Variants in PDPK1 observed in about 807,000 individuals in gnomAD.
The protein encoded by PDPK1 is 3-phosphoinositide-dependent protein kinase 1.
In PDPK1, 7 loss-of-function variants were observed where a neutral mutation model predicts 39.8. The observed-to-expected ratio is 0.18, with a 90% CI of 0.10 to 0.33. PDPK1 has a LOEUF of 0.33. Ranked by LOEUF, PDPK1 falls within the 10% of genes least tolerant of loss-of-function variation. The probability of loss-of-function intolerance (pLI) is 1.00; values close to 1 mark genes in which losing one functional copy is unlikely to be tolerated. For synonymous variants in PDPK1, 118 were observed against 159.1 expected, an observed-to-expected ratio of 0.74 and a Z score of 1.95; for missense variants, 182 against 384.7, an observed-to-expected ratio of 0.47 and a Z score of 4.41.
At chr16:2,573,877 C>A (rs2066681819) in intron 6 of PDPK1, among the ~76,000 whole-genome samples, 2 of 40,140 alleles carry the variant, frequency 5.0e-5, no homozygotes, top group Non-Finnish European at 8.8e-5. Context: ...TCACTGCAAC[C>A]TCCGCCTCCC....
rs546669586 is a variant in PDPK1 at position 2,573,773 on chromosome 16, CT to C, written c.710-3644del. Among the ~76,000 whole-genome samples, 12 of 134,026 alleles carry C rather than the reference CT, an allele frequency of 9.0e-5. 1 individual carries two copies. The East Asian group carries it at 1.4e-3, about 16-fold the overall frequency. 87.9% of individuals were successfully genotyped at this position (134,026 alleles called of 152,430 possible). On this transcript the variant is annotated intron_variant, in intron 6 of 13. Coordinates refer to ENST00000342085, the MANE Select transcript of PDPK1 (RefSeq NM_002613.5). ...AAAATAGAATTGTGAATTTTCTTCC[CT>C]TTTTTTTCCTTTTTCTGTTTTTATT...
chr16:2,598,276 G>T lies in PDPK1; in HGVS notation c.*509G>T, dbSNP rs547002823. The T allele has an allele frequency of 1.7e-5, 4 of 233,280 alleles. No individual in the cohort carries two copies. The highest frequency in any genetic ancestry group is 6.6e-5 in the African/African-American group (3 of 45,350). 14.5% of individuals were successfully genotyped at this position (233,280 alleles called of 1,614,324 possible). A position where few individuals can be genotyped will look rare whatever the true frequency, so the allele number is the denominator to read the frequency against. ...GGGCCGCAGCTTTGTGGAGGGAGCC[G>T]CCGTGCTTCTGTCACCTGCTCCCTT... On this transcript the variant is annotated 3_prime_UTR_variant, in exon 14 of 14. Transcript: ENST00000342085.
intron 11 of PDPK1, among the ~76,000 whole-genome samples, chr16:2,589,629 C>T (rs2066947164): frequency 6.7e-6 from 1 of 148,594 alleles, no homozygotes; most frequent in African/African-American, 2.5e-5. Flanking sequence ...GTTGAAGCTG[C>T]AGTGAGCAGA....
At chr16:2,577,666 G>A (rs1255794242) in intron 7 of PDPK1, among the ~76,000 whole-genome samples, 166 bp downstream of exon 7, 1 of 149,232 alleles carries the variant, frequency 6.7e-6, no homozygotes, top group Non-Finnish European at 1.5e-5. Context: ...TGATGCGTTA[G>A]TGTTGTGTTC....
intron 11 of PDPK1, among the ~76,000 whole-genome samples, chr16:2,590,568 C>T (rs963624075): frequency 2.6e-5 from 4 of 152,092 alleles, no homozygotes; most frequent in African/African-American, 7.3e-5. Flanking sequence ...CTGCTGTCCT[C>T]GCGGAGCGTC....
chr16:2,539,269 G>A (rs1345998454), intron 1 of PDPK1: 2 of 155,640 alleles, frequency 1.3e-5, no homozygotes, highest in African/African-American at 4.8e-5. Flanking sequence ...TAGTAGAGAA[G>A]GTGTTTCGCC....
intron 11 of PDPK1, among the ~76,000 whole-genome samples, chr16:2,591,572 C>CT (rs1474761844): frequency 6.6e-6 from 1 of 152,218 alleles, no homozygotes; most frequent in African/African-American, 2.4e-5. Context: ...ACTCCAGTCT[C>CT]TAAAAAGGCT....
Position 2,597,315 on chromosome 16 carries a change from G to A in PDPK1, c.1554+40G>A, listed in dbSNP as rs747992986. 1.3e-6 allele frequency: 2 copies of A among 1,531,760 alleles called. No homozygotes were observed. The highest frequency in any genetic ancestry group is 1.8e-5 in the Admixed American group (1 of 54,584). The allele number at this position is 1,531,760 out of a possible 1,614,324, so 94.9% of individuals were successfully genotyped here. On this transcript the variant is annotated intron_variant, in intron 13 of 13. Transcript: ENST00000342085. This position sits in a 1 kb window ranked among gnomAD's most constrained non-coding sequence, Gnocchi z 6.3. ...AGGGATTTCTGTGTGCAGGGTAATG[G>A]GAGGGCTTTGCACCACGTGGGAAGC...
At chr16:2,539,969 A>G (rs138692674) in intron 1 of PDPK1, among the ~76,000 whole-genome samples, 4,513 of 152,268 alleles carry the variant, frequency 0.03, 151 homozygotes, top group African/African-American at 0.1. Flanking sequence ...GTGAGCAAGA[A>G]TGATAGAATG....
Position 2,551,917 on chromosome 16 carries a change from C to T in PDPK1, c.25-5786C>T, listed in dbSNP as rs1359208384. ...CTGATCTCAGATGATGCGCCTGCCTCGGCCTCCCAAAGTGCTGGGATTATA... is the reference window on the plus strand; with the variant it reads ...CTGATCTCAGATGATGCGCCTGCCTTGGCCTCCCAAAGTGCTGGGATTATA... On this transcript the variant is annotated intron_variant, in intron 1 of 13. Transcript: ENST00000342085. Among the ~76,000 whole-genome samples, 14 of 151,468 alleles carry T rather than the reference C, an allele frequency of 9.2e-5. No homozygotes were observed. In the South Asian group the frequency reaches 1.3e-3, roughly 14 times the overall value.
chr16:2,538,100 C>A lies in PDPK1; in HGVS notation c.-13C>A. ...AGCGCTGCGGGGGAGGCGCCCGCGC[C>A]GACGCGGGGCCCATGGCCAGGACCA... On this transcript the variant is annotated 5_prime_UTR_variant, in exon 1 of 14. Transcript: ENST00000342085. 9.4e-7 allele frequency: 1 copy of A among 1,059,992 alleles called. No homozygotes were observed. 65.7% of individuals were successfully genotyped at this position (1,059,992 alleles called of 1,614,324 possible).
At chr16:2,559,260 T>G (rs1166187587) in intron 2 of PDPK1, among the ~76,000 whole-genome samples, 1 of 147,458 alleles carries the variant, frequency 6.8e-6, no homozygotes, top group African/African-American at 2.6e-5. Context: ...CACCCAGGCT[T>G]GAGTGCAGTG....
rs965784029 is a variant in PDPK1 at position 2,538,123 on chromosome 16, C to T, written c.11C>T (p.Thr4Ile). The T allele has an allele frequency of 1.9e-6, 2 of 1,066,212 alleles. No individual in the cohort carries two copies. Among genetic ancestry groups the T allele is most frequent in the Non-Finnish European group, 2.3e-6 (2 of 881,556 alleles). 66.0% of individuals were successfully genotyped at this position (1,066,212 alleles called of 1,614,324 possible). ...GCCGACGCGGGGCCCATGGCCAGGACCACCAGCCAGCTGGTGAGCGCGCGG... is the reference window on the plus strand; with the variant it reads ...GCCGACGCGGGGCCCATGGCCAGGATCACCAGCCAGCTGGTGAGCGCGCGG... MAR[T>I]TSQLYDAVPI... The change falls in exon 1 of 14, where the codon ACC (threonine) becomes ATC (isoleucine). Residue 4 changes from threonine to isoleucine, a missense_variant. Coordinates refer to ENST00000342085, the MANE Select transcript of PDPK1 (RefSeq NM_002613.5).
At chr16:2,587,145 A>T (rs1205079673) in intron 11 of PDPK1, among the ~76,000 whole-genome samples, 3 of 152,138 alleles carry the variant, frequency 2.0e-5, no homozygotes. Flanking sequence ...GTGGCCATGG[A>T]GTCACTGTGG....
In PDPK1 at chr16:2,538,082, C is replaced by T. The variant is rs756230861; in HGVS notation, c.-31C>T. The T allele has an allele frequency of 2.3e-5, 23 of 988,160 alleles. No homozygotes were observed. In the African/African-American group the frequency reaches 3.2e-4, roughly 14 times the overall value. The allele number at this position is 988,160 out of a possible 1,614,324, so 61.2% of individuals were successfully genotyped here. On this transcript the variant is annotated 5_prime_UTR_variant, in exon 1 of 14. Coordinates refer to ENST00000342085, the MANE Select transcript of PDPK1 (RefSeq NM_002613.5). ...GGAGGCGCCGAGCCGCGCAGCGCTG[C>T]GGGGGAGGCGCCCGCGCCGACGCGG...
chr16:2,539,078 C>CTTTTT lies in PDPK1; in HGVS notation c.24+958_24+962dup, dbSNP rs57517702. Reference sequence around the variant, plus strand: ...TGATCCCGTGTCTTCCAGGATGCGGCTTTTTTTTTTTTTTTTTTTTGATGG... The same window carrying CTTTTT: ...TGATCCCGTGTCTTCCAGGATGCGGCTTTTTTTTTTTTTTTTTTTTTTTTTGATGG... On this transcript the variant is annotated intron_variant, in intron 1 of 13. Transcript: ENST00000342085. The CTTTTT allele has an allele frequency of 1.5e-3, 215 of 146,288 alleles. 6 individuals are homozygous for CTTTTT. The highest frequency in any genetic ancestry group is 6.2e-3 in the African/African-American group (188 of 30,102). The allele number at this position is 146,288 out of a possible 1,614,324, so 9.1% of individuals were successfully genotyped here. A position where few individuals can be genotyped will look rare whatever the true frequency, so the allele number is the denominator to read the frequency against.
intron 1 of PDPK1, chr16:2,538,471 C>T (rs1378467025): frequency 1.1e-5 from 5 of 475,814 alleles, no homozygotes; most frequent in African/African-American, 3.9e-5. Context: ...GGAGCCGAGC[C>T]TCCAGGGTTA....
intron 2 of PDPK1, among the ~76,000 whole-genome samples, chr16:2,559,595 TC>T (rs1231508109): frequency 1.3e-5 from 2 of 150,204 alleles, no homozygotes; most frequent in Non-Finnish European, 2.9e-5. Context: ...AGAGTCTTGC[TC>T]TGTCACCTAG....
chr16:2,540,289 C>G lies in PDPK1; in HGVS notation c.24+2153C>G, dbSNP rs190675897. On this transcript the variant is annotated intron_variant, in intron 1 of 13. Coordinates refer to ENST00000342085, the MANE Select transcript of PDPK1 (RefSeq NM_002613.5). ...AGCGTGAAGGCAGACAGTGGCCTGGCCCAGTCTGATGCTAAGTGGGCCAGA... is the reference window on the plus strand; with the variant it reads ...AGCGTGAAGGCAGACAGTGGCCTGGGCCAGTCTGATGCTAAGTGGGCCAGA... 3.4e-3 allele frequency among the ~76,000 whole-genome samples: 524 copies of G among 152,326 alleles called. 1 individual carries two copies. Among genetic ancestry groups the G allele is most frequent in the Non-Finnish European group, 6.0e-3 (406 of 68,022 alleles).
Sources: gnomAD v4.1 joint callset for allele counts (sites outside exome capture counted in the v4.1 genomes callset) on GRCh38, gnomAD v4.1.1 for gene constraint, Gnocchi (gnomAD v3.1) non-coding constraint, MANE v1.5 for transcripts, NCBI Gene and HGNC (gene_info 2026-07-23, HGNC 2026-07-21) for gene names.